The following LRRC15 variants were observed in gnomAD, a reference collection of about 807,000 sequenced individuals.
LRRC15 encodes leucine rich repeat containing 15, also known as leucine-rich repeat-containing protein 15.
Under a neutral mutation model 4.3 loss-of-function variants are expected in LRRC15, and 5 were observed. The observed-to-expected ratio is 1.16, with a 90% confidence interval of 0.61 to 2.44. LRRC15 has a LOEUF of 2.44. Ranked by LOEUF, LRRC15 falls within the 30% of genes most tolerant of loss-of-function variation. LRRC15 has a pLI of 0.01. For synonymous variants in LRRC15, 337 were observed against 323.2 expected (o/e 1.04, Z -0.46); for missense variants, 769 against 747.0 (o/e 1.03, Z -0.34).
intron 1 of LRRC15, among the ~76,000 whole-genome samples, chr3:194,365,517 G>A (rs150993511): frequency 3.9e-4 from 60 of 152,246 alleles, no homozygotes; most frequent in African/African-American, 1.3e-3. Flanking sequence ...GAAGACCAGC[G>A]TTCTACTCTG....
At chr3:194,365,758 T>A (rs1169769644) in intron 1 of LRRC15, among the ~76,000 whole-genome samples, 1 of 152,138 alleles carries the variant, frequency 6.6e-6, no homozygotes, top group Non-Finnish European at 1.5e-5. Context: ...CCTGAGGAAC[T>A]CATGCCCATC....
At chr3:194,361,378 C>T (rs1007216632) in intron 1 of LRRC15, among the ~76,000 whole-genome samples, 2 of 152,230 alleles carry the variant, frequency 1.3e-5, no homozygotes, top group African/African-American at 4.8e-5. Context: ...TCCATGAAGT[C>T]GTCTTCCCAG....
chr3:194,363,092 C>T (rs1005465861), intron 1 of LRRC15, among the ~76,000 whole-genome samples: 2 of 152,076 alleles, frequency 1.3e-5, no homozygotes, highest in Non-Finnish European at 2.9e-5. Context: ...AGGCGCATGC[C>T]ACCATGCCTG....
At chr3:194,364,409 C>G (rs1192600932) in intron 1 of LRRC15, among the ~76,000 whole-genome samples, 1 of 152,178 alleles carries the variant, frequency 6.6e-6, no homozygotes, top group East Asian at 1.9e-4. Flanking sequence ...TTAATGTACA[C>G]TCATATACCC....
chr3:194,360,040 C>G lies in LRRC15; in HGVS notation c.1004G>C (p.Gly335Ala). The stretch of plus-strand genomic sequence containing the variant: ...AAGCTCCGTTAGCCCGTTGAAGGCA[C>G]CCGGGGAGATGAAGCTGATCTGATT... ...SRNQISFISP[G>A]AFNGLTELRE... The change falls in exon 2 of 2, where the codon GGT becomes GCT. Residue 335 changes from glycine (G) to alanine (A), a missense_variant. Transcript: ENST00000347624. The G allele has an allele frequency of 6.2e-7, 1 of 1,614,196 alleles. No individual in the cohort carries two copies. The highest frequency in any genetic ancestry group is 8.5e-7 in the Non-Finnish European group (1 of 1,180,046).
In LRRC15 at chr3:194,360,837, A is replaced by G. The variant is rs141103070; in HGVS notation, c.207T>C (p.Asn69=). 1.2e-6 allele frequency: 2 copies of G among 1,613,916 alleles called. No individual in the cohort carries two copies. The highest frequency in any genetic ancestry group is 2.7e-5 in the African/African-American group (2 of 75,058). The change falls in exon 2 of 2, where the codon AAT becomes AAC. Residue 69 remains asparagine (N), a synonymous_variant. Coordinates refer to ENST00000347624, the MANE Select transcript of LRRC15 (RefSeq NM_130830.5). ...QILNTHITEL[N]ESPFLNISAL... ...CTGAGATATTGAGGAACGGGGACTCATTGAGTTCAGTGATGTGCGTGTTGA... is the reference window on the plus strand; with the variant it reads ...CTGAGATATTGAGGAACGGGGACTCGTTGAGTTCAGTGATGTGCGTGTTGA...
Position 194,360,265 on chromosome 3 carries a change from A to G in LRRC15, c.779T>C (p.Leu260Pro). 6.2e-7 allele frequency: 1 copy of G among 1,613,788 alleles called. No homozygotes were observed. The highest frequency in any genetic ancestry group is 8.5e-7 in the Non-Finnish European group (1 of 1,179,752). ...CAGCTGCATGAAGACGCTGGGTGGC[A>G]GCTGGGAGATGTGGTTGTTGGACAG... ...LYLSNNHISQ[L>P]PPSVFMQLPQ... The change falls in exon 2 of 2, where the codon CTG becomes CCG. Residue 260 changes from leucine to proline, a missense_variant. Coordinates refer to ENST00000347624, the MANE Select transcript of LRRC15 (RefSeq NM_130830.5).
At chr3:194,369,327 G>A (rs1204118649) in intron 1 of LRRC15, among the ~76,000 whole-genome samples, 2 of 152,204 alleles carry the variant, frequency 1.3e-5, no homozygotes, top group Admixed American at 6.5e-5. Context: ...GTGACAAGGG[G>A]GGTGATAATT....
chr3:194,355,764 T>C lies in LRRC15; in HGVS notation c.*3534A>G, dbSNP rs114580674. ...GCAAACTTCCTGAGTTTGGAAGTTCTTTCCCAATAGCTCTACATCAGCATC... is the reference window on the plus strand; with the variant it reads ...GCAAACTTCCTGAGTTTGGAAGTTCCTTCCCAATAGCTCTACATCAGCATC... On this transcript the variant is annotated 3_prime_UTR_variant, in exon 2 of 2. Coordinates refer to ENST00000347624, the MANE Select transcript of LRRC15 (RefSeq NM_130830.5). The C allele has an allele frequency of 2.8e-3, 426 of 152,354 alleles. 2 individuals are homozygous for C. Among genetic ancestry groups the C allele is most frequent in the African/African-American group, 9.8e-3 (409 of 41,578 alleles). 9.4% of individuals were successfully genotyped at this position (152,354 alleles called of 1,614,324 possible).
chr3:194,359,799 C>A lies in LRRC15; in HGVS notation c.1245G>T (p.Leu415=). The change falls in exon 2 of 2, where the codon CTG becomes CTT. Residue 415 remains leucine, a synonymous_variant. Coordinates refer to ENST00000347624, the MANE Select transcript of LRRC15 (RefSeq NM_130830.5). The stretch of plus-strand genomic sequence containing the variant: ...GATTGTCATACAGCCGCAGCTCACA[C>A]AGTTTCCCCAGGTGATCGAAGATGC... ...PLGIFDHLGK[L]CELRLYDNPW... is the part of the protein sequence containing the mutation. 1 of 1,614,120 alleles carries A rather than the reference C, an allele frequency of 6.2e-7. No individual in the cohort carries two copies. The highest frequency in any genetic ancestry group is 8.5e-7 in the Non-Finnish European group (1 of 1,180,016).
chr3:194,366,234 C>T (rs1406502058), intron 1 of LRRC15, among the ~76,000 whole-genome samples: 3 of 152,238 alleles, frequency 2.0e-5, no homozygotes, highest in South Asian at 2.1e-4. Context: ...CACATAAAAT[C>T]GCCTGGCTTG....
rs372437949 is a variant in LRRC15 at position 194,359,369 on chromosome 3, C to A, written c.1675G>T (p.Val559Phe). ...CTCTTCTTGCAGCAGCAACAGCCGACGCAGGCAGCCAGGGAGCAGGCCAGG... is the reference window on the plus strand; with the variant it reads ...CTCTTCTTGCAGCAGCAACAGCCGAAGCAGGCAGCCAGGGAGCAGGCCAGG... ...VALACSLAAC[V>F]GCCCCKKRSQ... Residue 559 changes from valine (V) to phenylalanine (F), a missense_variant, in exon 2 of 2, where the codon GTC (valine) becomes TTC (phenylalanine). Transcript: ENST00000347624. 2 of 1,613,956 alleles carry A rather than the reference C, an allele frequency of 1.2e-6. No homozygotes were observed. The highest frequency in any genetic ancestry group is 1.3e-5 in the African/African-American group (1 of 74,942).
intron 1 of LRRC15, among the ~76,000 whole-genome samples, chr3:194,365,352 G>A (rs376726177): frequency 5.3e-5 from 8 of 152,180 alleles, no homozygotes; most frequent in African/African-American, 1.4e-4. Context: ...ACGAGCAAAC[G>A]CGTAATTAGC....
At chr3:194,363,138 A>G (rs1240205223) in intron 1 of LRRC15, among the ~76,000 whole-genome samples, 2 of 151,820 alleles carry the variant, frequency 1.3e-5, no homozygotes, top group African/African-American at 4.8e-5. Context: ...ACAGGGTTTC[A>G]CCATGTTGGT....
intron 1 of LRRC15, among the ~76,000 whole-genome samples, chr3:194,364,468 A>T (rs779796877): frequency 1.3e-5 from 2 of 152,186 alleles, no homozygotes; most frequent in Non-Finnish European, 2.9e-5. Context: ...GACTAAATTA[A>T]GTGCATGTCA....
At position 194,360,928 on chromosome 3, in the gene LRRC15, C is replaced by G. The variant is rs374709723; in HGVS notation, c.116G>C (p.Cys39Ser). 3 of 1,597,508 alleles carry G rather than the reference C, an allele frequency of 1.9e-6. No individual in the cohort carries two copies. Among genetic ancestry groups the G allele is most frequent in the African/African-American group, 1.3e-5 (1 of 74,924 alleles). ...CTCSRASQVE[C>S]TGARIVAVPT... ...CACTGCCACAATGCGTGCCCCGGTGCACTCCACCTGGGAGGCCCTGGAGCA... is the reference window on the plus strand; with the variant it reads ...CACTGCCACAATGCGTGCCCCGGTGGACTCCACCTGGGAGGCCCTGGAGCA... Residue 39 changes from cysteine (C) to serine (S), a missense_variant, in exon 2 of 2, where the codon TGC (cysteine) becomes TCC (serine). Coordinates refer to ENST00000347624, the MANE Select transcript of LRRC15 (RefSeq NM_130830.5).
chr3:194,367,691 A>T (rs1361599986), intron 1 of LRRC15, among the ~76,000 whole-genome samples: 1 of 152,230 alleles, frequency 6.6e-6, no homozygotes, highest in African/African-American at 2.4e-5. Flanking sequence ...CCAAGGTCAC[A>T]GGCCCCTGAT....
At chr3:194,361,135 T>C in intron 1 of LRRC15, 89 bp from the exon 2 acceptor site, 5 of 1,196,030 alleles carry the variant, frequency 4.2e-6, no homozygotes, top group Non-Finnish European at 3.4e-6. Flanking sequence ...GTGCCAATGC[T>C]GGCTTGGCTT....
chr3:194,368,898 C>T (rs184371883), intron 1 of LRRC15, among the ~76,000 whole-genome samples: 2 of 152,316 alleles, frequency 1.3e-5, no homozygotes, highest in South Asian at 2.1e-4. Context: ...ATCCACATAC[C>T]ACCTCATCAC....
Sources: allele counts gnomAD v4.1 joint callset (sites outside exome capture counted in the v4.1 genomes callset), GRCh38; gene constraint gnomAD v4.1.1; transcripts MANE v1.5; gene names NCBI Gene and HGNC (gene_info 2026-07-23, HGNC 2026-07-21).